COPG2: variants seen among roughly 807,000 people sequenced by gnomAD.
The protein encoded by COPG2 is coat protein complex I subunit gamma 2, also known as coatomer subunit gamma-2.
COPG2 carries 37 observed loss-of-function variants against 46.3 expected under a neutral mutation model. That is an observed-to-expected ratio of 0.80 (90% CI 0.61 to 1.05). The LOEUF (loss-of-function observed/expected upper bound fraction) is 1.05, where lower values mean the gene tolerates loss of function less well. COPG2 is among the 50% of genes least tolerant of loss of function. The pLI is 0.00. For synonymous variants in COPG2, 159 were observed against 129.7 expected (o/e 1.23, Z -1.53); for missense variants, 427 against 387.8 (o/e 1.10, Z -0.85).
At chr7:130,615,101 T>G (rs1268945235) in intron 6 of COPG2, among the ~76,000 whole-genome samples, 2 of 152,224 alleles carry the variant, frequency 1.3e-5, no homozygotes, top group African/African-American at 4.8e-5. Context: ...TGGTGTAGCA[T>G]GAAGGTCATG....
chr7:130,638,858 C>T (rs1448111280), intron 5 of COPG2, among the ~76,000 whole-genome samples: 3 of 152,158 alleles, frequency 2.0e-5, no homozygotes, highest in South Asian at 2.1e-4. Context: ...GCCCTGGTGG[C>T]GTAGGCACCA....
At chr7:130,645,342 T>C in intron 5 of COPG2, 3 of 567,772 alleles carry the variant, frequency 5.3e-6, no homozygotes, top group Non-Finnish European at 1.1e-5. Flanking sequence ...AGTTGCCTTC[T>C]ACTACATTGT....
At chr7:130,546,896 A>G (rs921404491) in intron 20 of COPG2, 5 of 152,336 alleles carry the variant, frequency 3.3e-5, no homozygotes, top group African/African-American at 1.2e-4. Flanking sequence ...TGTTCAAAAC[A>G]TAAATGTGAT....
At chr7:130,517,967 C>T (rs1467054870) in intron 20 of COPG2, among the ~76,000 whole-genome samples, 10 of 152,040 alleles carry the variant, frequency 6.6e-5, no homozygotes, top group Non-Finnish European at 1.5e-4. Context: ...TGAAGAGCAG[C>T]GAAGGCCTGA....
At chr7:130,610,472 GC>G (rs1554451857) in intron 9 of COPG2, 2 of 510,442 alleles carry the variant, frequency 3.9e-6, no homozygotes, top group Non-Finnish European at 7.8e-6. Context: ...CTAGATCCAT[GC>G]CCAGCTTACT....
intron 20 of COPG2, among the ~76,000 whole-genome samples, chr7:130,513,154 C>T (rs1355198581): frequency 6.6e-6 from 1 of 151,070 alleles, no homozygotes; most frequent in African/African-American, 2.4e-5. Flanking sequence ...GGCGTGGTGG[C>T]AGGTGCCTGT....
chr7:130,668,707 T>G lies in COPG2; in HGVS notation c.-39A>C. The G allele has an allele frequency of 4.0e-6, 6 of 1,513,426 alleles. No individual in the cohort carries two copies. The highest frequency in any genetic ancestry group is 5.3e-6 in the Non-Finnish European group (6 of 1,131,002). The allele number at this position is 1,513,426 out of a possible 1,614,324, so 93.7% of individuals were successfully genotyped here. On this transcript the variant is annotated 5_prime_UTR_variant, in exon 1 of 24. Transcript: ENST00000425248. ...CCAGCGCCCAGACCCACCGCAACCGTCCCAGGCGCCGCAGCCGGCGAGCGG... is the reference window on the plus strand; with the variant it reads ...CCAGCGCCCAGACCCACCGCAACCGGCCCAGGCGCCGCAGCCGGCGAGCGG...
intron 9 of COPG2, among the ~76,000 whole-genome samples, chr7:130,577,217 G>C (rs1331522730): frequency 2.0e-5 from 3 of 152,230 alleles, no homozygotes; most frequent in East Asian, 3.8e-4. Flanking sequence ...CAGTGTGAGC[G>C]ACGCAGAAGA....
chr7:130,594,025 CACATACAATCA>C (rs1174330418), intron 9 of COPG2, among the ~76,000 whole-genome samples: 30 of 152,010 alleles, frequency 2.0e-4, no homozygotes, highest in Admixed American at 1.8e-3. Flanking sequence ...CTACTTGCAA[CACATACAATCA>C]ACATCGGACT....
chr7:130,613,454 T>A, intron 7 of COPG2, 90 bp downstream of exon 7: 1 of 813,276 alleles, frequency 1.2e-6, no homozygotes, highest in South Asian at 1.5e-5. Context: ...TTTTAACTGT[T>A]TCATTTGTGA....
At chr7:130,523,484 T>C (rs1584962765) in intron 20 of COPG2, among the ~76,000 whole-genome samples, 2 of 152,202 alleles carry the variant, frequency 1.3e-5, no homozygotes, top group East Asian at 1.9e-4. Context: ...GCCGGGCAGA[T>C]ACGTGGAGTG....
At chr7:130,519,392 A>G (rs1799707455) in intron 20 of COPG2, among the ~76,000 whole-genome samples, 1 of 152,216 alleles carries the variant, frequency 6.6e-6, no homozygotes, top group African/African-American at 2.4e-5. Context: ...CAGAGCAGGG[A>G]TCCCAGGATG....
At chr7:130,584,028 G>T (rs1314298548) in intron 9 of COPG2, among the ~76,000 whole-genome samples, 2 of 151,628 alleles carry the variant, frequency 1.3e-5, no homozygotes, top group African/African-American at 4.8e-5. Flanking sequence ...ACTACAGACT[G>T]ATATCCTTGA....
intron 5 of COPG2, chr7:130,645,150 C>A: frequency 1.9e-6 from 1 of 522,586 alleles, no homozygotes; most frequent in Non-Finnish European, 3.7e-6. Flanking sequence ...TTAGTGTTCA[C>A]AGTAAGAAAA....
chr7:130,569,810 A>G (rs1282275697), intron 9 of COPG2, among the ~76,000 whole-genome samples: 3 of 152,216 alleles, frequency 2.0e-5, no homozygotes, highest in Admixed American at 1.3e-4. Context: ...AATCCTCAAC[A>G]AAATATAACT....
intron 22 of COPG2, 26 bp from the exon 23 acceptor site, chr7:130,507,398 G>A (rs563120784): frequency 5.9e-5 from 46 of 780,166 alleles, no homozygotes; most frequent in Non-Finnish European, 1.1e-4. Context: ...GTATGAGACA[G>A]TATTAGGAAA....
intron 9 of COPG2, among the ~76,000 whole-genome samples, chr7:130,584,518 TG>T (rs1384161282): frequency 5.9e-5 from 9 of 152,166 alleles, no homozygotes; most frequent in African/African-American, 2.2e-4. Flanking sequence ...GAAGTCAAAC[TG>T]TCACTGTTTG....
At chr7:130,539,105 C>A (rs967516576) in intron 20 of COPG2, among the ~76,000 whole-genome samples, 3 of 152,034 alleles carry the variant, frequency 2.0e-5, no homozygotes, top group Non-Finnish European at 4.4e-5. Flanking sequence ...AGAAGAAGGT[C>A]TTAAATTCTA....
intron 9 of COPG2, among the ~76,000 whole-genome samples, chr7:130,595,803 A>ACC (rs373536247): frequency 1.4e-5 from 2 of 142,944 alleles, no homozygotes; most frequent in African/African-American, 5.2e-5. Context: ...GCATTTGGGG[A>ACC]CCCCCCCCCT....
Sources: allele counts gnomAD v4.1 joint callset (sites outside exome capture counted in the v4.1 genomes callset), GRCh38; gene constraint gnomAD v4.1.1; transcripts MANE v1.5; gene names NCBI Gene and HGNC (gene_info 2026-07-23, HGNC 2026-07-21).